UNC79: variants seen among roughly 807,000 people sequenced by gnomAD.
UNC79 encodes the protein protein unc-79 homolog.
In UNC79, 37 loss-of-function variants were observed where a neutral mutation model predicts 283.1. The observed-to-expected ratio is 0.13, with a 90% CI of 0.10 to 0.17. The LOEUF is 0.17. UNC79 is among the 10% of genes least tolerant of loss of function. The pLI is 1.00. For missense variants in UNC79, 2,272 were observed against 3,211.1 expected (o/e 0.71, Z 7.07); for synonymous variants, 1,107 against 1,200.2 (o/e 0.92, Z 1.61).
exon 14 of UNC79, chr14:93,542,555 G>T: frequency 6.2e-7 from 1 of 1,614,214 alleles, no homozygotes; most frequent in South Asian, 1.1e-5. Context: ...ACTCCACTGC[G>T]TATATGATGG....
At chr14:93,368,616 G>A (rs558843463) in intron 1 of UNC79, among the ~76,000 whole-genome samples, 2 of 152,034 alleles carry the variant, frequency 1.3e-5, no homozygotes, top group Non-Finnish European at 1.5e-5. Context: ...GATTACAGGT[G>A]CATGCCACCA....
At chr14:93,528,728 C>A in intron 9 of UNC79, 82 bp downstream of exon 9, 1 of 1,329,306 alleles carries the variant, frequency 7.5e-7, no homozygotes, top group Non-Finnish European at 1.1e-6. Context: ...AAATTAGTTA[C>A]ATTGCTAAAG....
intron 7 of UNC79, among the ~76,000 whole-genome samples, chr14:93,511,950 A>T (rs1052244497): frequency 2.0e-5 from 3 of 151,902 alleles, no homozygotes; most frequent in African/African-American, 7.3e-5. Context: ...TCCAACATTA[A>T]TTTTTTTCTA....
chr14:93,628,673 G>T (rs1185978030), intron 30 of UNC79, among the ~76,000 whole-genome samples: 1 of 152,190 alleles, frequency 6.6e-6, no homozygotes, highest in African/African-American at 2.4e-5. Context: ...TGAAAGGATA[G>T]CCTGACATTT....
At chr14:93,414,997 C>A (rs147424866) in intron 1 of UNC79, among the ~76,000 whole-genome samples, 1 of 152,120 alleles carries the variant, frequency 6.6e-6, no homozygotes, top group Non-Finnish European at 1.5e-5. Flanking sequence ...CTTTTCCTAA[C>A]TGAATACCCT....
In UNC79 at chr14:93,681,518, C is replaced by T. The variant is rs940960170; in HGVS notation, c.6742-1099C>T. 5.9e-5 allele frequency among the ~76,000 whole-genome samples: 9 copies of T among 152,326 alleles called. No individual in the cohort carries two copies. In the Middle Eastern group the frequency reaches 0.014, roughly 230 times the overall value. ...TCAGGCCTCCTAGAGATTTACTCTGCGACCCTAGTTGTTATTACTTCTCTC... is the reference window on the plus strand; with the variant it reads ...TCAGGCCTCCTAGAGATTTACTCTGTGACCCTAGTTGTTATTACTTCTCTC... On this transcript the variant is annotated intron_variant, in intron 41 of 48. Coordinates refer to ENST00000555664, the Ensembl canonical transcript of UNC79.
At chr14:93,634,738 T>A (rs1182189713) in intron 31 of UNC79, 101 bp downstream of exon 34, 9 of 1,157,612 alleles carry the variant, frequency 7.8e-6, no homozygotes, top group South Asian at 2.7e-5. Context: ...TTTTCTCTCA[T>A]GTTCTTTGGT....
chr14:93,687,335 TG>T (rs754735000), intron 43 of UNC79, among the ~76,000 whole-genome samples: 24 of 152,236 alleles, frequency 1.6e-4, no homozygotes, highest in Non-Finnish European at 2.6e-4. Context: ...ATTGAGTTTT[TG>T]CAGGGTGGAA....
chr14:93,352,221 G>A (rs537045607), intron 1 of UNC79, among the ~76,000 whole-genome samples: 2 of 152,314 alleles, frequency 1.3e-5, no homozygotes, highest in African/African-American at 2.4e-5. Context: ...TCGGGACACA[G>A]GCTCAATCTT....
At chr14:93,594,040 CT>C (rs1313188958) in intron 23 of UNC79, among the ~76,000 whole-genome samples, 1 of 152,150 alleles carries the variant, frequency 6.6e-6, no homozygotes, top group Non-Finnish European at 1.5e-5. Context: ...GAGGGTGGTC[CT>C]GTCCAGGTTT....
chr14:93,566,731 G>A (rs983016944), intron 14 of UNC79, among the ~76,000 whole-genome samples: 23 of 148,784 alleles, frequency 1.5e-4, no homozygotes, highest in African/African-American at 3.0e-4. Flanking sequence ...TCTGCCTCCC[G>A]GGTTCAAGCG....
At chr14:93,493,448 C>T (rs748604349) in intron 5 of UNC79, among the ~76,000 whole-genome samples, 12 of 152,104 alleles carry the variant, frequency 7.9e-5, no homozygotes, top group Admixed American at 2.6e-4. Flanking sequence ...CAGTTGAGAA[C>T]GGATTGAGAA....
chr14:93,456,376 TAAGC>T (rs1173538484), intron 1 of UNC79, among the ~76,000 whole-genome samples: 3 of 152,018 alleles, frequency 2.0e-5, no homozygotes, highest in Non-Finnish European at 4.4e-5. Context: ...TTTAAATACT[TAAGC>T]AAGAAAAAAA....
chr14:93,564,914 G>A (rs990028866), intron 14 of UNC79, among the ~76,000 whole-genome samples: 14 of 152,202 alleles, frequency 9.2e-5, no homozygotes, highest in African/African-American at 3.4e-4. Flanking sequence ...CCATCTGGAT[G>A]TACACGTGCA....
intron 7 of UNC79, among the ~76,000 whole-genome samples, chr14:93,507,819 G>C (rs1007034141): frequency 1.5e-4 from 23 of 152,108 alleles, no homozygotes; most frequent in Non-Finnish European, 5.9e-5. Flanking sequence ...TCTCCTTCCA[G>C]AAGGTCTATA....
chr14:93,409,923 A>T (rs2055301680), intron 1 of UNC79, among the ~76,000 whole-genome samples: 1 of 152,232 alleles, frequency 6.6e-6, no homozygotes, highest in South Asian at 2.1e-4. Context: ...TAGAGGCTTC[A>T]CCAATCAGTC....
At chr14:93,565,204 G>A (rs997043187) in intron 14 of UNC79, among the ~76,000 whole-genome samples, 4 of 152,180 alleles carry the variant, frequency 2.6e-5, no homozygotes, top group Non-Finnish European at 4.4e-5. Context: ...CTTCCTGGAC[G>A]TAGTCACCTA....
rs906148291 is a variant in UNC79 at position 93,389,572 on chromosome 14, G to A, written c.-351+56049G>A. ...GGTGGAAGGTGTTAGAACTTGTGGG[G>A]AAGATTATAAAAAATGGGAGGGCCT... is the stretch of plus-strand genomic sequence containing the variant. On this transcript the variant is annotated intron_variant, in intron 1 of 49. Coordinates refer to the UNC79 transcript ENST00000256339. Among the ~76,000 whole-genome samples the A allele has an allele frequency of 6.6e-5, 10 of 151,930 alleles. No individual in the cohort carries two copies. The East Asian group carries it at 1.7e-3, about 26-fold the overall frequency.
At chr14:93,435,923 T>G (rs2056070050) in intron 1 of UNC79, among the ~76,000 whole-genome samples, 1 of 152,248 alleles carries the variant, frequency 6.6e-6, no homozygotes, top group South Asian at 2.1e-4. Flanking sequence ...TACTTAGCTT[T>G]GAAACCTTGC....
Sources: gnomAD v4.1 joint callset for allele counts (sites outside exome capture counted in the v4.1 genomes callset) on GRCh38, gnomAD v4.1.1 for gene constraint, MANE v1.5 for transcripts, NCBI Gene and HGNC (gene_info 2026-07-23, HGNC 2026-07-21) for gene names.